Variants in DSCAM observed in about 807,000 individuals in gnomAD.
DSCAM encodes DS cell adhesion molecule.
Under a neutral mutation model 217.7 loss-of-function variants are expected in DSCAM, and 47 were observed. The observed-to-expected ratio is 0.22, with a 90% CI of 0.17 to 0.28. DSCAM has a LOEUF of 0.28. Ranked by LOEUF, DSCAM falls within the 10% of genes least tolerant of loss-of-function variation. The pLI is 1.00. For synonymous variants in DSCAM, 1,056 were observed against 1,015.3 expected, an observed-to-expected ratio of 1.04 and a Z score of -0.76; for missense variants, 2,080 against 2,618.3, an observed-to-expected ratio of 0.79 and a Z score of 4.49.
chr21:40,592,888 G>A (rs756422390), intron 3 of DSCAM, among the ~76,000 whole-genome samples: 6 of 152,144 alleles, frequency 3.9e-5, no homozygotes, highest in Non-Finnish European at 7.3e-5. Flanking sequence ...GAGTTCAGAA[G>A]AACTCACAAG....
intron 3 of DSCAM, among the ~76,000 whole-genome samples, chr21:40,482,136 CT>C (rs1297322972): frequency 6.6e-6 from 1 of 152,144 alleles, no homozygotes; most frequent in East Asian, 1.9e-4. Flanking sequence ...TCCATGTCAC[CT>C]TTTTTGTGGC....
At chr21:40,554,860 A>G (rs1187557589) in intron 3 of DSCAM, among the ~76,000 whole-genome samples, 8 of 152,098 alleles carry the variant, frequency 5.3e-5, no homozygotes, top group Admixed American at 5.2e-4. Context: ...CTGGAATTTA[A>G]CACTTGACAC....
rs564049137 is a variant in DSCAM at position 40,187,874 on chromosome 21, C to G, written c.2650+17G>C. On this transcript the variant is annotated intron_variant, in intron 13 of 32. Transcript: ENST00000400454. ...TGAAATGACTGTGTTTATTCTCTTA[C>G]GCTATCGTCTTCCTACCTTGCACTG... 2.5e-6 allele frequency: 4 copies of G among 1,596,352 alleles called. No homozygotes were observed. The South Asian group carries it at 4.4e-5, about 18-fold the overall frequency.
At chr21:40,620,370 GAA>G (rs1159706051) in intron 3 of DSCAM, among the ~76,000 whole-genome samples, 8 of 91,870 alleles carry the variant, frequency 8.7e-5, no homozygotes, top group East Asian at 8.2e-4. Flanking sequence ...AAAAGAAAAA[GAA>G]AGAAAGAAAG....
At chr21:40,578,473 CCAAT>C (rs2076873926) in intron 3 of DSCAM, among the ~76,000 whole-genome samples, 1 of 151,878 alleles carries the variant, frequency 6.6e-6, no homozygotes, top group South Asian at 2.1e-4. Context: ...GTAAAACGGA[CCAAT>C]CAGCACTCTG....
rs112357519 is a variant in DSCAM at position 40,410,759 on chromosome 21, C to CAA, written c.509-41516_509-41515dup. 8.8e-3 allele frequency among the ~76,000 whole-genome samples: 1,259 copies of CAA among 142,582 alleles called. 10 individuals carry two copies. The highest frequency in any genetic ancestry group is 0.016 in the African/African-American group (623 of 38,222). 93.5% of individuals were successfully genotyped at this position (142,582 alleles called of 152,430 possible). A position where few individuals can be genotyped will look rare whatever the true frequency, so the allele number is the denominator to read the frequency against. Reference sequence around the variant, plus strand: ...TTGATATAGAATTCTCTATACAGTACAAAAAAAAAAAATTCAAAAAAGTAA... The same window carrying CAA: ...TTGATATAGAATTCTCTATACAGTACAAAAAAAAAAAAAATTCAAAAAAGTAA... On this transcript the variant is annotated intron_variant, in intron 3 of 32. Coordinates refer to ENST00000400454, the MANE Select transcript of DSCAM (RefSeq NM_001389.5).
At chr21:40,245,533 G>C (rs2073212094) in intron 11 of DSCAM, among the ~76,000 whole-genome samples, 1 of 152,218 alleles carries the variant, frequency 6.6e-6, no homozygotes, top group Non-Finnish European at 1.5e-5. Flanking sequence ...CCTGAAGGGA[G>C]GCCTATCAAG....
At chr21:40,829,818 G>C (rs2091998505) in intron 1 of DSCAM, among the ~76,000 whole-genome samples, 1 of 152,302 alleles carries the variant, frequency 6.6e-6, no homozygotes. Context: ...GAGGCCACAA[G>C]TGCTTGGCAA....
At position 40,353,728 on chromosome 21, in the gene DSCAM, G is replaced by T. The variant is rs771366243; in HGVS notation, c.671C>A (p.Ala224Asp). Reference sequence around the variant, plus strand: ...GTCAAACCCATCCAGTATGGATGGGGCTGAGTTCGCTGGGTCTGTAGAAGA... The same window carrying T: ...GTCAAACCCATCCAGTATGGATGGGTCTGAGTTCGCTGGGTCTGTAGAAGA... Reference protein sequence around the residue: ...RLFVSDPANSAPSILDGFDHR... With the variant: ...RLFVSDPANSDPSILDGFDHR... Residue 224 changes from alanine to aspartate, a missense_variant, in exon 5 of 33, where the codon GCC becomes GAC. Physicochemically the swap from Ala to Asp is moderately radical, Grantham distance 126. This residue lies in a region of DSCAM where 568 missense variants were observed against 678.1 expected (regional missense o/e 0.84). Coordinates refer to ENST00000400454, the MANE Select transcript of DSCAM (RefSeq NM_001389.5). 2 of 1,548,408 alleles carry T rather than the reference G, an allele frequency of 1.3e-6. No individual in the cohort carries two copies. The highest frequency in any genetic ancestry group is 2.2e-5 in the Admixed American group (1 of 45,742).
intron 3 of DSCAM, among the ~76,000 whole-genome samples, chr21:40,615,759 G>C (rs528751730): frequency 6.2e-4 from 94 of 152,214 alleles, no homozygotes; most frequent in Non-Finnish European, 2.8e-4. Context: ...CCTGGGCAGA[G>C]AGCTCTATAT....
intron 11 of DSCAM, among the ~76,000 whole-genome samples, chr21:40,272,886 A>G (rs2073638179): frequency 1.3e-5 from 2 of 151,828 alleles, no homozygotes; most frequent in Non-Finnish European, 2.9e-5. Flanking sequence ...TCAGTTTGAG[A>G]TCCTAAAACA....
chr21:40,393,691 CTT>C (rs1352064344), intron 3 of DSCAM, among the ~76,000 whole-genome samples: 2 of 152,062 alleles, frequency 1.3e-5, no homozygotes, highest in African/African-American at 4.8e-5. Flanking sequence ...TCCGTCTATG[CTT>C]TTTTCTACAT....
chr21:40,270,147 C>T (rs1203865156), intron 11 of DSCAM, among the ~76,000 whole-genome samples: 1 of 152,220 alleles, frequency 6.6e-6, no homozygotes, highest in African/African-American at 2.4e-5. Flanking sequence ...AAGGGCGTGG[C>T]AGCTGCTGAG....
At chr21:40,696,160 T>C (rs530431822) in intron 2 of DSCAM, among the ~76,000 whole-genome samples, 1 of 152,226 alleles carries the variant, frequency 6.6e-6, no homozygotes, top group South Asian at 2.1e-4. Flanking sequence ...GTACTGTGCT[T>C]GGTGTCATAA....
intron 1 of DSCAM, among the ~76,000 whole-genome samples, chr21:40,713,180 G>A (rs1018501528): frequency 3.3e-5 from 5 of 152,164 alleles, no homozygotes; most frequent in Admixed American, 6.6e-5. Flanking sequence ...CCACTACTGG[G>A]GTGAGATCTG....
intron 3 of DSCAM, among the ~76,000 whole-genome samples, chr21:40,656,633 A>G (rs1046257199): frequency 1.3e-5 from 2 of 152,228 alleles, no homozygotes; most frequent in Admixed American, 6.5e-5. Flanking sequence ...TCACCGTTGC[A>G]GAAGCTTCCA....
At chr21:40,126,062 T>C (rs2090089747) in intron 19 of DSCAM, among the ~76,000 whole-genome samples, 1 of 152,346 alleles carries the variant, frequency 6.6e-6, no homozygotes, top group Middle Eastern at 3.4e-3. Context: ...GTACGTGTCA[T>C]GGGTAGTACT....
chr21:40,236,450 A>G (rs1001182552), intron 11 of DSCAM, among the ~76,000 whole-genome samples: 1 of 152,090 alleles, frequency 6.6e-6, no homozygotes. Context: ...TCTGTACAGA[A>G]CTTCCAGTTC....
intron 10 of DSCAM, among the ~76,000 whole-genome samples, chr21:40,276,883 C>T (rs1163475009): frequency 6.6e-6 from 1 of 151,970 alleles, no homozygotes; most frequent in South Asian, 2.1e-4. Context: ...CCTCAGAGTG[C>T]TTCCATGCAA....
Sources: allele counts gnomAD v4.1 joint callset (sites outside exome capture counted in the v4.1 genomes callset), GRCh38; gene constraint gnomAD v4.1.1; regional missense constraint gnomAD v4.1.1; transcripts MANE v1.5; gene names NCBI Gene and HGNC (gene_info 2026-07-23, HGNC 2026-07-21).